The following TNNI3K variants were observed in gnomAD, a reference collection of about 807,000 sequenced individuals.
The protein encoded by TNNI3K is serine/threonine-protein kinase TNNI3K.
TNNI3K carries 140 observed loss-of-function variants against 114.5 expected under a neutral mutation model. That is an observed-to-expected ratio of 1.22 (90% CI 1.07 to 1.41). The LOEUF is 1.41. Among genes scored for constraint, TNNI3K ranks in the 40% most tolerant of loss-of-function variants. TNNI3K has a pLI of 0.00. For synonymous variants in TNNI3K, 347 were observed against 347.5 expected, an observed-to-expected ratio of 1.00 and a Z score of 0.02; for missense variants, 1,125 against 1,007.6, an observed-to-expected ratio of 1.12 and a Z score of -1.58.
At chr1:74,502,112 G>T (rs969849576) in intron 23 of TNNI3K, among the ~76,000 whole-genome samples, 1 of 152,174 alleles carries the variant, frequency 6.6e-6, no homozygotes, top group Admixed American at 6.5e-5. Context: ...CATGCTATAG[G>T]TCAACAAGAG....
At chr1:74,278,043 C>T (rs1319100073) in intron 5 of TNNI3K, among the ~76,000 whole-genome samples, 2 of 152,272 alleles carry the variant, frequency 1.3e-5, no homozygotes, top group Middle Eastern at 3.4e-3. Context: ...AAGCCTCGGA[C>T]CCTGTGTAAG....
chr1:74,504,689 G>T (rs1669800898), intron 23 of TNNI3K, among the ~76,000 whole-genome samples: 1 of 152,058 alleles, frequency 6.6e-6, no homozygotes, highest in African/African-American at 2.4e-5. Flanking sequence ...AGATTTGCAT[G>T]AAAAGAGTGA....
At chr1:74,355,371 C>T (rs1213778365) in intron 11 of TNNI3K, among the ~76,000 whole-genome samples, 2 of 152,068 alleles carry the variant, frequency 1.3e-5, no homozygotes, top group African/African-American at 4.8e-5. Flanking sequence ...TTTGGGAGGC[C>T]ATGGTGGGCA....
At chr1:74,274,179 A>G (rs1656528591) in intron 5 of TNNI3K, among the ~76,000 whole-genome samples, 1 of 152,018 alleles carries the variant, frequency 6.6e-6, no homozygotes, top group Non-Finnish European at 1.5e-5. Flanking sequence ...TGAAAAGAAA[A>G]TGTTATAAAG....
chr1:74,402,024 T>A, intron 17 of TNNI3K: 1 of 241,816 alleles, frequency 4.1e-6, no homozygotes, highest in Non-Finnish European at 8.3e-6. Flanking sequence ...ATAATAAACT[T>A]AAGTTGGAAT....
At chr1:74,397,665 A>C (rs1013035086) in intron 17 of TNNI3K, among the ~76,000 whole-genome samples, 7 of 152,218 alleles carry the variant, frequency 4.6e-5, no homozygotes, top group Non-Finnish European at 1.0e-4. Context: ...CAGAGTGTCA[A>C]ACTCACCTTA....
chr1:74,237,379 A>C (rs1284424865), intron 2 of TNNI3K, among the ~76,000 whole-genome samples: 1 of 152,002 alleles, frequency 6.6e-6, no homozygotes, highest in East Asian at 1.9e-4. Context: ...GTTTTGTTGG[A>C]AAAGTATGAA....
chr1:74,321,491 T>C (rs957029608), intron 5 of TNNI3K, among the ~76,000 whole-genome samples: 2 of 152,044 alleles, frequency 1.3e-5, no homozygotes, highest in Admixed American at 6.6e-5. Flanking sequence ...ATATCACTTG[T>C]ATCTTCAGCC....
intron 17 of TNNI3K, among the ~76,000 whole-genome samples, chr1:74,391,780 C>T (rs1394167860): frequency 1.3e-5 from 2 of 151,836 alleles, no homozygotes; most frequent in African/African-American, 4.8e-5. Context: ...TCAGAGAAGA[C>T]TGAGAAGGCC....
intron 23 of TNNI3K, among the ~76,000 whole-genome samples, chr1:74,507,427 C>T (rs1022473979): frequency 3.9e-5 from 6 of 152,088 alleles, no homozygotes; most frequent in Non-Finnish European, 8.8e-5. Context: ...TGTCAATTGC[C>T]ATACACACAC....
chr1:74,271,822 G>A, intron 5 of TNNI3K, 114 bp downstream of exon 5: 2 of 845,440 alleles, frequency 2.4e-6, no homozygotes, highest in Non-Finnish European at 3.6e-6. Context: ...TTATTTTTTA[G>A]CTACTGAACA....
At chr1:74,259,054 TC>T (rs749345308) in intron 4 of TNNI3K, among the ~76,000 whole-genome samples, 2 of 152,216 alleles carry the variant, frequency 1.3e-5, no homozygotes, top group Non-Finnish European at 2.9e-5. Context: ...TGCTCTCATT[TC>T]CTTTCCAGCC....
At chr1:74,340,489 G>A (rs770876317) in intron 7 of TNNI3K, among the ~76,000 whole-genome samples, 7 of 152,022 alleles carry the variant, frequency 4.6e-5, no homozygotes, top group South Asian at 2.1e-4. Context: ...ACATGTATAC[G>A]CATAAATTCT....
intron 2 of TNNI3K, among the ~76,000 whole-genome samples, chr1:74,247,952 G>T (rs1232405349): frequency 6.6e-6 from 1 of 152,134 alleles, no homozygotes; most frequent in Non-Finnish European, 1.5e-5. Context: ...GGAGCAGGGG[G>T]TGGTGCCCGT....
At chr1:74,380,203 A>T (rs1030077897) in intron 17 of TNNI3K, among the ~76,000 whole-genome samples, 1 of 152,102 alleles carries the variant, frequency 6.6e-6, no homozygotes, top group Non-Finnish European at 1.5e-5. Flanking sequence ...GCTACACAAG[A>T]CGATGTGTGT....
chr1:74,318,885 TCGTAAG>T (rs933640873), intron 5 of TNNI3K, among the ~76,000 whole-genome samples: 37 of 152,216 alleles, frequency 2.4e-4, no homozygotes, highest in African/African-American at 8.2e-4. Flanking sequence ...TACAAGTAAG[TCGTAAG>T]TAACTATTCC....
chr1:74,411,548 T>C (rs774564965), intron 17 of TNNI3K, among the ~76,000 whole-genome samples: 7 of 150,910 alleles, frequency 4.6e-5, no homozygotes, highest in Non-Finnish European at 8.8e-5. Flanking sequence ...CCAGAAATAA[T>C]GGCCTTAAAG....
chr1:74,532,010 T>C (rs1350001988), intron 23 of TNNI3K, among the ~76,000 whole-genome samples: 1 of 152,138 alleles, frequency 6.6e-6, no homozygotes, highest in East Asian at 1.9e-4. Context: ...ATTGGACCAA[T>C]TTGAATGGAA....
chr1:74,339,863 GA>G (rs1052601524), intron 7 of TNNI3K, among the ~76,000 whole-genome samples: 1 of 151,844 alleles, frequency 6.6e-6, no homozygotes, highest in Admixed American at 6.6e-5. Flanking sequence ...GTTAAAAATT[GA>G]AAAAATTAAA....
Sources: gnomAD v4.1 joint callset for allele counts (sites outside exome capture counted in the v4.1 genomes callset) on GRCh38, gnomAD v4.1.1 for gene constraint, MANE v1.5 for transcripts, NCBI Gene and HGNC (gene_info 2026-07-23, HGNC 2026-07-21) for gene names.